The following GNL3L variants were observed in gnomAD, a reference collection of about 807,000 sequenced individuals.
GNL3L encodes the protein G protein nucleolar 3 like, also known as guanine nucleotide-binding protein-like 3-like protein.
Under a neutral mutation model 42.9 loss-of-function variants are expected in GNL3L, and 4 were observed. The observed-to-expected ratio is 0.09, with a 90% CI of 0.05 to 0.21. GNL3L has a LOEUF of 0.21. GNL3L is among the 10% of genes least tolerant of loss of function. GNL3L has a pLI of 1.00. For missense variants in GNL3L, 412 were observed against 481.7 expected, an observed-to-expected ratio of 0.86 and a Z score of 1.36; for synonymous variants, 159 against 176.3, an observed-to-expected ratio of 0.90 and a Z score of 0.78.
At chrX:54,558,380 T>TTG (rs1274572071) in intron 14 of GNL3L, 56 bp from the exon 15 acceptor site, 2 of 880,883 alleles carry the variant, frequency 2.3e-6, no homozygotes, top group Admixed American at 4.4e-5. Context: ...TGCAGAAGTC[T>TTG]TTGGAGGTTC....
intron 16 of GNL3L, among the ~76,000 whole-genome samples, chrX:54,579,612 T>C (rs1397970927): frequency 8.9e-6 from 1 of 112,008 alleles, no homozygotes; most frequent in Non-Finnish European, 1.9e-5. Context: ...AGGCTGTTCT[T>C]GATCTTGAAC....
chrX:54,553,068 A>G (rs1924992650), intron 13 of GNL3L, among the ~76,000 whole-genome samples: 2 of 112,436 alleles, frequency 1.8e-5, no homozygotes, highest in Non-Finnish European at 3.8e-5. Context: ...TGGGGACAGT[A>G]AGTCCACCCG....
At chrX:54,557,716 G>T (rs1029816698) in intron 14 of GNL3L, among the ~76,000 whole-genome samples, 1 of 110,486 alleles carries the variant, frequency 9.1e-6, no homozygotes, top group Non-Finnish European at 1.9e-5. Flanking sequence ...TTACAGGAGT[G>T]AGCCACCATG....
At chrX:54,644,299 A>G in the GNL3L span, among the ~76,000 whole-genome samples, 1 of 112,199 alleles carries the variant, frequency 8.9e-6, no homozygotes, top group East Asian at 2.8e-4. Context: ...CCTTTTGAGA[A>G]AAGCCATTTT....
the GNL3L span, among the ~76,000 whole-genome samples, chrX:54,645,485 A>C: frequency 8.9e-6 from 1 of 112,295 alleles, no homozygotes; most frequent in African/African-American, 3.2e-5. Context: ...CTATTAGTAC[A>C]ATGAATTATG....
intron 14 of GNL3L, among the ~76,000 whole-genome samples, chrX:54,555,480 T>A (rs1466063316): frequency 9.2e-6 from 1 of 108,675 alleles, no homozygotes; most frequent in Non-Finnish European, 1.9e-5. Context: ...TTCTTTTTCT[T>A]TCTTTTTTGA....
chrX:54,536,657 C>T (rs1213743499), intron 2 of GNL3L, among the ~76,000 whole-genome samples: 1 of 108,700 alleles, frequency 9.2e-6, no homozygotes, highest in Non-Finnish European at 1.9e-5. Flanking sequence ...CAGTGGTGCA[C>T]GCCTGTAATC....
At chrX:54,630,960 C>G in the GNL3L span, among the ~76,000 whole-genome samples, 1 of 106,554 alleles carries the variant, frequency 9.4e-6, no homozygotes, top group South Asian at 4.3e-4. Context: ...GCGTCCATCA[C>G]CACTCCCGGC....
At position 54,615,718 on chromosome X, in the gene GNL3L, T is replaced by C. The variant is rs764054891; in HGVS notation, c.*46-5127T>C. The stretch of plus-strand genomic sequence containing the variant: ...GCCAGTACTTGCTTTTTTTTTTTTT[T>C]CCCTAAGACAGAGTCTCACTCTGTT... On this transcript the variant is annotated intron_variant, in intron 16 of 16. Coordinates refer to the GNL3L transcript ENST00000674498. 3.5e-3 allele frequency among the ~76,000 whole-genome samples: 374 copies of C among 108,376 alleles called. 2 individuals carry two copies. The highest frequency in any genetic ancestry group is 8.3e-3 in the African/African-American group (248 of 29,730). The allele number at this position is 108,376 out of a possible 115,157, so 94.1% of individuals were successfully genotyped here.
At chrX:54,591,579 C>T (rs777119037) in intron 16 of GNL3L, among the ~76,000 whole-genome samples, 39 of 99,070 alleles carry the variant, frequency 3.9e-4, no homozygotes, top group African/African-American at 1.3e-3. Flanking sequence ...GGTGACAGAG[C>T]GAGACTTTGT....
At chrX:54,627,844 A>G in the GNL3L span, among the ~76,000 whole-genome samples, 1 of 109,894 alleles carries the variant, frequency 9.1e-6, no homozygotes, top group Non-Finnish European at 1.9e-5. Context: ...CTTTATTATT[A>G]TTTTTATTTC....
intron 16 of GNL3L, among the ~76,000 whole-genome samples, chrX:54,597,550 G>T (rs1925945806): frequency 9.0e-6 from 1 of 111,148 alleles, no homozygotes; most frequent in Non-Finnish European, 1.9e-5. Flanking sequence ...ACCCAGGCTG[G>T]CATCATAGTA....
intron 16 of GNL3L, among the ~76,000 whole-genome samples, chrX:54,609,017 CTGTTT>C (rs1926132930): frequency 9.0e-6 from 1 of 111,618 alleles, no homozygotes; most frequent in Admixed American, 9.5e-5. Context: ...CCAATATCTA[CTGTTT>C]TTTGATATTT....
intron 16 of GNL3L, among the ~76,000 whole-genome samples, chrX:54,614,276 C>A (rs1026286223): frequency 6.3e-5 from 7 of 111,390 alleles, no homozygotes; most frequent in Non-Finnish European, 1.3e-4. Context: ...ACTGTGCCCC[C>A]ACAACAGCCC....
At chrX:54,605,322 C>T (rs990358405) in intron 16 of GNL3L, among the ~76,000 whole-genome samples, 7 of 112,072 alleles carry the variant, frequency 6.2e-5, no homozygotes, top group Non-Finnish European at 1.1e-4. Flanking sequence ...CATTCCTAAT[C>T]TCTGTCCTGT....
At chrX:54,550,859 C>T (rs1250116912) in intron 9 of GNL3L, 104 bp from the exon 10 acceptor site, 7 of 525,120 alleles carry the variant, frequency 1.3e-5, no homozygotes, top group African/African-American at 2.3e-5. Context: ...TTTTGGCTTC[C>T]CCATGGCCTG....
chrX:54,612,412 G>A (rs986122470), intron 16 of GNL3L, among the ~76,000 whole-genome samples: 9 of 111,850 alleles, frequency 8.0e-5, no homozygotes, highest in African/African-American at 2.6e-4. Context: ...TTCAATGTTA[G>A]TATTGAAATG....
chrX:54,588,507 G>A (rs1925819186), intron 16 of GNL3L, among the ~76,000 whole-genome samples: 1 of 112,062 alleles, frequency 8.9e-6, no homozygotes, highest in African/African-American at 3.2e-5. Context: ...CTGTTGACAT[G>A]GTAGATTCCA....
chrX:54,560,405 T>G (rs1411734443), intron 15 of GNL3L, 115 bp from the exon 16 acceptor site: 2 of 506,377 alleles, frequency 3.9e-6, no homozygotes, highest in East Asian at 6.9e-5. Flanking sequence ...CGTTTGGGGG[T>G]AAGTGAGCCA....
Sources: allele counts gnomAD v4.1 joint callset (sites outside exome capture counted in the v4.1 genomes callset), GRCh38; gene constraint gnomAD v4.1.1; transcripts MANE v1.5; gene names NCBI Gene and HGNC (gene_info 2026-07-23, HGNC 2026-07-21).